The following MAN2B1 variants were observed in gnomAD, a reference collection of about 807,000 sequenced individuals.
MAN2B1 encodes the protein mannosidase alpha class 2B member 1.
MAN2B1 carries 99 observed loss-of-function variants against 127.5 expected under a neutral mutation model. That is an observed-to-expected ratio of 0.78 (90% confidence interval 0.66 to 0.92). MAN2B1 has a LOEUF of 0.92. MAN2B1 is among the 40% of genes least tolerant of loss of function. The pLI is 0.00. For missense variants in MAN2B1, 1,304 were observed against 1,384.8 expected, an observed-to-expected ratio of 0.94 and a Z score of 0.93; for synonymous variants, 573 against 568.8, an observed-to-expected ratio of 1.01 and a Z score of -0.11.
At position 12,666,416 on chromosome 19, in the gene MAN2B1, T is replaced by C. The variant is rs2024242655; in HGVS notation, c.159+127A>G. 2 of 1,092,036 alleles carry C rather than the reference T, an allele frequency of 1.8e-6. 1 individual carries two copies. Among genetic ancestry groups the C allele is most frequent in the South Asian group, 2.8e-5 (2 of 72,230 alleles). The allele number at this position is 1,092,036 out of a possible 1,614,324, so 67.6% of individuals were successfully genotyped here. On this transcript the variant is annotated intron_variant, in intron 1 of 23. Coordinates refer to ENST00000456935, the MANE Select transcript of MAN2B1 (RefSeq NM_000528.4). ...CCTCGCAATGACACAAAGCACGCAC[T>C]CAGACCACACTGTCATATCATCAGC...
In MAN2B1 at chr19:12,662,117, T is replaced by G. The variant is rs539341792; in HGVS notation, c.910-741A>C. On this transcript the variant is annotated intron_variant, in intron 6 of 23. Transcript: ENST00000456935. Reference sequence around the variant, plus strand: ...ATCTCGGCCTCTCAAAATGCTGGGATTATAGGCGTGAGCCACCATGCCCAG... The same window carrying G: ...ATCTCGGCCTCTCAAAATGCTGGGAGTATAGGCGTGAGCCACCATGCCCAG... Among the ~76,000 whole-genome samples the G allele has an allele frequency of 3.8e-3, 572 of 152,186 alleles. 3 individuals are homozygous for G. Among genetic ancestry groups the G allele is most frequent in the Non-Finnish European group, 5.1e-3 (347 of 68,004 alleles).
chr19:12,653,876 G>A (rs1249462235), intron 14 of MAN2B1, among the ~76,000 whole-genome samples: 1 of 151,656 alleles, frequency 6.6e-6, no homozygotes, highest in South Asian at 2.1e-4. Flanking sequence ...GTACCACCAC[G>A]CCCAGTTAAT....
rs2023998129 is a variant in MAN2B1 at position 12,657,544 on chromosome 19, C to T, written c.1321G>A (p.Ala441Thr). 7 of 1,563,268 alleles carry T rather than the reference C, an allele frequency of 4.5e-6. No individual in the cohort carries two copies. Among genetic ancestry groups the T allele is most frequent in the Admixed American group, 1.9e-5 (1 of 52,688 alleles). The change falls in exon 11 of 24, where the codon GCT becomes ACT. Residue 441 changes from alanine to threonine, a missense_variant. Physicochemically the swap from Ala to Thr is moderately conservative, Grantham distance 58. Coordinates refer to ENST00000456935, the MANE Select transcript of MAN2B1 (RefSeq NM_000528.4). ...ACGGCGTCGTGATGCTGGAGCACAGCCATCGCCTCATCTGCTCATAGACAA... is the reference window on the plus strand; with the variant it reads ...ACGGCGTCGTGATGCTGGAGCACAGTCATCGCCTCATCTGCTCATAGACAA... ...GDSAPLNEAM[A>T]VLQHHDAVSG...
At chr19:12,648,973 C>A (rs1256938206) in intron 20 of MAN2B1, among the ~76,000 whole-genome samples, 163 bp downstream of exon 20, 2 of 152,140 alleles carry the variant, frequency 1.3e-5, no homozygotes, top group South Asian at 2.1e-4. Flanking sequence ...CCAGCTTGGA[C>A]AACAAGAGCA....
chr19:12,652,548 T>TTC, intron 14 of MAN2B1, 88 bp from the exon 15 acceptor site: 1 of 956,572 alleles, frequency 1.0e-6, no homozygotes, highest in Non-Finnish European at 1.6e-6. Flanking sequence ...TTTTTTTTTT[T>TTC]TGAGACTGAG....
chr19:12,653,637 G>A (rs116760056), intron 14 of MAN2B1, among the ~76,000 whole-genome samples: 1,658 of 152,042 alleles, frequency 0.011, 27 homozygotes, highest in African/African-American at 0.038. Flanking sequence ...TTCTAGAGAT[G>A]GGGGTCCCAC....
At position 12,652,195 on chromosome 19, in the gene MAN2B1, T is replaced by C. The variant is rs750566481; in HGVS notation, c.2004A>G (p.Lys668=). ...GAGCCCAGCGGCTCACAGGCAGCGG[T>C]TTCTGTTGGTTGGGTCTGAAGATGT... ...GAYIFRPNQQ[K]PLPVSRWAQI... is the part of the protein sequence containing the mutation. Residue 668 remains lysine, a synonymous_variant, in exon 16 of 24, where the codon AAA becomes AAG. Transcript: ENST00000456935. 6.2e-7 allele frequency: 1 copy of C among 1,614,034 alleles called. No individual in the cohort carries two copies. Among genetic ancestry groups the C allele is most frequent in the Admixed American group, 1.7e-5 (1 of 59,994 alleles).
chr19:12,665,850 A>C (rs999007953), intron 1 of MAN2B1, 45 bp from the exon 2 acceptor site: 1 of 1,492,832 alleles, frequency 6.7e-7, no homozygotes, highest in African/African-American at 1.4e-5. Context: ...ATAACCCCCG[A>C]GGTCGGGGGC....
At chr19:12,663,190 G>A in intron 6 of MAN2B1, 127 bp downstream of exon 6, 2 of 1,162,148 alleles carry the variant, frequency 1.7e-6, no homozygotes, top group Non-Finnish European at 2.5e-6. Context: ...CTCCAGCCTG[G>A]GTGACAGAGT....
At chr19:12,665,046 G>A in intron 3 of MAN2B1, 61 bp from the exon 4 acceptor site, 1 of 1,458,934 alleles carries the variant, frequency 6.9e-7, no homozygotes, top group Non-Finnish European at 9.5e-7. Flanking sequence ...AGTAGGGTGG[G>A]TGATACTGGG....
At chr19:12,664,035 G>A (rs542742270) in intron 4 of MAN2B1, among the ~76,000 whole-genome samples, 200 bp from the exon 5 acceptor site, 1 of 152,298 alleles carries the variant, frequency 6.6e-6, no homozygotes, top group African/African-American at 2.4e-5. Flanking sequence ...TTTGAGACCA[G>A]CCTGCACAAC....
intron 4 of MAN2B1, 55 bp from the exon 5 acceptor site, chr19:12,663,890 C>A: frequency 1.2e-6 from 2 of 1,611,396 alleles, no homozygotes; most frequent in Admixed American, 3.3e-5. Context: ...CTCTCACCAC[C>A]AAACTCCCCT....
rs533770473 is a variant in MAN2B1 at position 12,649,887 on chromosome 19, C to A, written c.2267+26G>T. On this transcript the variant is annotated intron_variant, in intron 18 of 23. Coordinates refer to ENST00000456935, the MANE Select transcript of MAN2B1 (RefSeq NM_000528.4). ...GGCCCCAACACACCACAGACCACCC[C>A]CTCAGTGCTCTCAGTCACCCCCCAC... The A allele has an allele frequency of 4.7e-5, 75 of 1,580,710 alleles. 1 individual carries two copies. The South Asian group carries it at 7.8e-4, about 17-fold the overall frequency.
chr19:12,647,092 C>T lies in MAN2B1; in HGVS notation c.2923+141G>A, dbSNP rs1599337669. The T allele has an allele frequency of 1.3e-6, 1 of 786,166 alleles. No individual in the cohort carries two copies. The highest frequency in any genetic ancestry group is 1.5e-5 in the South Asian group (1 of 65,090). The allele number at this position is 786,166 out of a possible 1,614,324, so 48.7% of individuals were successfully genotyped here. A position where few individuals can be genotyped will look rare whatever the true frequency, so the allele number is the denominator to read the frequency against. The stretch of plus-strand genomic sequence containing the variant: ...CGCACCCATTTCAGATCCTTTAAGC[C>T]CCTAACCTGGGTCTGGACTCTGCCC... On this transcript the variant is annotated intron_variant, in intron 23 of 23. Transcript: ENST00000456935. The surrounding 1 kb of genome is among the most constrained non-coding windows in gnomAD (Gnocchi z 4.9).
chr19:12,662,695 C>G (rs955837480), intron 6 of MAN2B1, among the ~76,000 whole-genome samples: 8 of 151,950 alleles, frequency 5.3e-5, no homozygotes, highest in Non-Finnish European at 1.2e-4. Context: ...CACCTGTAAT[C>G]CCAGCACTTT....
At chr19:12,655,406 C>T (rs372089029) in intron 14 of MAN2B1, among the ~76,000 whole-genome samples, 3 of 152,172 alleles carry the variant, frequency 2.0e-5, no homozygotes, top group Non-Finnish European at 2.9e-5. Flanking sequence ...TCACCTTTAT[C>T]GGGAACACCT....
intron 16 of MAN2B1, 109 bp from the exon 17 acceptor site, chr19:12,650,331 C>A: frequency 1.9e-5 from 14 of 738,506 alleles, no homozygotes; most frequent in Non-Finnish European, 3.0e-5. Flanking sequence ...ACATCAAGGT[C>A]AACCTTCAGT....
intron 7 of MAN2B1, chr19:12,661,056 C>G: frequency 1.9e-6 from 1 of 515,620 alleles, no homozygotes; most frequent in Non-Finnish European, 3.7e-6. Context: ...TGCGCCCGGC[C>G]TCATGCTGGA....
Position 12,655,755 on chromosome 19 carries a change from GC to G in MAN2B1, c.1768del (p.Ala590ProfsTer16). The G allele has an allele frequency of 6.2e-7, 1 of 1,609,460 alleles. No homozygotes were observed. Among genetic ancestry groups the G allele is most frequent in the Non-Finnish European group, 8.5e-7 (1 of 1,176,406 alleles). On this transcript the variant is annotated frameshift_variant, in exon 14 of 24. Coordinates refer to ENST00000456935, the MANE Select transcript of MAN2B1 (RefSeq NM_000528.4). LOFTEE classifies it high-confidence loss of function. ...VAQVPRWKPQ[A>X]RAPQPIPRRS... ...TCTGGGGATGGGCTGTGGTGCGCGG[GC>G]CTGGGGCTTCCAGCGAGGCACCTGG... is the stretch of plus-strand genomic sequence containing the variant.
Sources: allele counts gnomAD v4.1 joint callset (sites outside exome capture counted in the v4.1 genomes callset), GRCh38; gene constraint gnomAD v4.1.1; non-coding constraint Gnocchi (gnomAD v3.1); transcripts MANE v1.5; gene names NCBI Gene and HGNC (gene_info 2026-07-23, HGNC 2026-07-21).